Variants in MVP observed in about 807,000 individuals in gnomAD.
The protein encoded by MVP is major vault protein, also known as lung resistance-related protein.
Under a neutral mutation model 83.5 loss-of-function variants are expected in MVP, and 62 were observed. That is an observed-to-expected ratio of 0.74 (90% confidence interval 0.61 to 0.92). The LOEUF (loss-of-function observed/expected upper bound fraction) is 0.92, where lower values mean the gene tolerates loss of function less well. Among genes scored for constraint, MVP ranks in the 40% least tolerant of loss-of-function variants. The pLI is 0.00. For missense variants in MVP, 1,000 were observed against 1,203.4 expected, an observed-to-expected ratio of 0.83 and a Z score of 2.50; for synonymous variants, 505 against 504.1, an observed-to-expected ratio of 1.00 and a Z score of -0.02.
At chr16:29,846,617 G>T (rs1352657361) in intron 13 of MVP, among the ~76,000 whole-genome samples, 6 of 152,218 alleles carry the variant, frequency 3.9e-5, no homozygotes, top group African/African-American at 1.4e-4. Context: ...TAGCACTTTG[G>T]GAGGCCGAGG....
intron 1 of MVP, among the ~76,000 whole-genome samples, chr16:29,828,733 G>T (rs2067420619): frequency 6.6e-6 from 1 of 152,180 alleles, no homozygotes; most frequent in Non-Finnish European, 1.5e-5. Flanking sequence ...TAGCTGTAAG[G>T]CAGCAGGGGG....
At position 29,832,102 on chromosome 16, in the gene MVP, A is replaced by C. The variant is rs187141787; in HGVS notation, c.321+1029A>C. Among the ~76,000 whole-genome samples the C allele has an allele frequency of 1.3e-3, 193 of 151,904 alleles. 2 individuals are homozygous for C. Among genetic ancestry groups the C allele is most frequent in the African/African-American group, 4.5e-3 (188 of 41,414 alleles). On this transcript the variant is annotated intron_variant, in intron 3 of 14. Transcript: ENST00000357402. ...GCCCCATTTAATGGTTTTCTTACTG[A>C]CTTTACTAACCAGTGCTGCTTGATC...
chr16:29,836,954 T>G lies in MVP; in HGVS notation c.905T>G (p.Val302Gly). The G allele has an allele frequency of 6.2e-7, 1 of 1,610,402 alleles. No homozygotes were observed. The highest frequency in any genetic ancestry group is 1.3e-5 in the African/African-American group (1 of 74,976). Reference sequence around the variant, plus strand: ...AATCAGCTGGGGCAGAAGCGCGTGGTCAAGGTGAGGTCCCTACACCCCCAC... The same window carrying G: ...AATCAGCTGGGGCAGAAGCGCGTGGGCAAGGTGAGGTCCCTACACCCCCAC... ...GKNQLGQKRV[V>G]KGEKSFFLQP... is the part of the protein sequence containing the mutation. The change falls in exon 7 of 15, where the codon GTC (valine) becomes GGC (glycine). Residue 302 changes from valine to glycine, a missense_variant. Physicochemically the swap from Val to Gly is moderately radical, Grantham distance 109. Transcript: ENST00000357402.
chr16:29,829,921 C>T (rs1204733564), intron 1 of MVP: 5 of 153,008 alleles, frequency 3.3e-5, no homozygotes, highest in African/African-American at 9.7e-5. Flanking sequence ...ATAGACACAG[C>T]TCATGTAAAC....
chr16:29,841,235 G>A lies in MVP; in HGVS notation c.1192-361G>A, dbSNP rs917625465. On this transcript the variant is annotated intron_variant, in intron 8 of 14. Coordinates refer to ENST00000357402, the MANE Select transcript of MVP (RefSeq NM_005115.5). This position sits in a 1 kb window ranked among gnomAD's most constrained non-coding sequence, Gnocchi z 4.7. ...GTACACAGCCTACTTCACCATCCCCGAGGTGCCCTCCAAACTGCCCCATGA... is the reference window on the plus strand; with the variant it reads ...GTACACAGCCTACTTCACCATCCCCAAGGTGCCCTCCAAACTGCCCCATGA... Among the ~76,000 whole-genome samples, 3 of 152,064 alleles carry A rather than the reference G, an allele frequency of 2.0e-5. No individual in the cohort carries two copies. Among genetic ancestry groups the A allele is most frequent in the Admixed American group, 6.5e-5 (1 of 15,270 alleles).
chr16:29,831,936 TTTTGTTTG>T (rs888961973), intron 3 of MVP, among the ~76,000 whole-genome samples: 2 of 152,202 alleles, frequency 1.3e-5, no homozygotes, highest in African/African-American at 4.8e-5. Flanking sequence ...GTTTTGGGTT[TTTTGTTTG>T]TTTGTTTGTT....
chr16:29,847,393 T>A lies in MVP; in HGVS notation c.2454+8T>A, dbSNP rs1260417681. 2 of 1,529,198 alleles carry A rather than the reference T, an allele frequency of 1.3e-6. No individual in the cohort carries two copies. The highest frequency in any genetic ancestry group is 2.8e-5 in the African/African-American group (2 of 70,938). 94.7% of individuals were successfully genotyped at this position (1,529,198 alleles called of 1,614,324 possible). ...GCTGGGCCTGAGATGCAGGTGAGAG[T>A]TGGGGAAGGTGTGTTGGTTTCAGGA... is the stretch of plus-strand genomic sequence containing the variant. On this transcript the variant is annotated splice_region_variant and intron_variant, in intron 14 of 14. Coordinates refer to ENST00000357402, the MANE Select transcript of MVP (RefSeq NM_005115.5).
Position 29,834,047 on chromosome 16 carries a change from C to T in MVP, c.558C>T (p.Asp186=), listed in dbSNP as rs772883962. The T allele has an allele frequency of 3.0e-5, 48 of 1,613,664 alleles. No homozygotes were observed. Among genetic ancestry groups the T allele is most frequent in the Non-Finnish European group, 3.6e-5 (42 of 1,179,862 alleles). Residue 186 remains aspartate (D), a synonymous_variant, in exon 5 of 15, where the codon GAC becomes GAT. Coordinates refer to ENST00000357402, the MANE Select transcript of MVP (RefSeq NM_005115.5). ...CCCGCAAGGAGTGCTGGGACCGGGA[C>T]GGCAAGGAGAGGGTGACAGGTGGGG... The part of the protein sequence containing the change: ...LRARKECWDR[D]GKERVTGEEW...
Position 29,841,013 on chromosome 16 carries a change from G to C in MVP, c.1191+554G>C, listed in dbSNP as rs1413209230. On this transcript the variant is annotated intron_variant, in intron 8 of 14. Coordinates refer to ENST00000357402, the MANE Select transcript of MVP (RefSeq NM_005115.5). The surrounding 1 kb of genome is among the most constrained non-coding windows in gnomAD (Gnocchi z 4.7). Reference sequence around the variant, plus strand: ...GGGACCCTTTCCCACAGCAGACCTGGTTTCCAGCATAAAGGTCTGATGGGG... The same window carrying C: ...GGGACCCTTTCCCACAGCAGACCTGCTTTCCAGCATAAAGGTCTGATGGGG... Among the ~76,000 whole-genome samples the C allele has an allele frequency of 1.3e-5, 2 of 152,062 alleles. No homozygotes were observed. Among genetic ancestry groups the C allele is most frequent in the African/African-American group, 2.4e-5 (1 of 41,416 alleles).
At position 29,830,553 on chromosome 16, in the gene MVP, G is replaced by A; in HGVS notation, c.4G>A (p.Ala2Thr). ...AGCCCTGGGCTTAGGAGTCACCATG[G>A]CAACTGAAGAGTTCATCATCCGCAT... is the stretch of plus-strand genomic sequence containing the variant. M[A>T]TEEFIIRIPP... Residue 2 changes from alanine (A) to threonine (T), a missense_variant, in exon 2 of 15, where the codon GCA (alanine) becomes ACA (threonine). Physicochemically the swap from Ala to Thr is moderately conservative, Grantham distance 58. Transcript: ENST00000357402. The A allele has an allele frequency of 6.2e-7, 1 of 1,613,876 alleles. No individual in the cohort carries two copies. Among genetic ancestry groups the A allele is most frequent in the South Asian group, 1.1e-5 (1 of 91,072 alleles).
At chr16:29,821,758 T>G (rs1476558693) in intron 1 of MVP, among the ~76,000 whole-genome samples, 2 of 152,210 alleles carry the variant, frequency 1.3e-5, no homozygotes, top group African/African-American at 2.4e-5. Context: ...GAGGATAACA[T>G]GAGTTAATTG....
intron 7 of MVP, 127 bp from the exon 8 acceptor site, chr16:29,840,045 TGTGGGG>T (rs1567393421): frequency 1.5e-5 from 13 of 845,318 alleles, no homozygotes; most frequent in Non-Finnish European, 2.2e-5. Flanking sequence ...CGTATTATGA[TGTGGGG>T]GTGGGGGCGG....
chr16:29,830,792 TAGAG>T, intron 2 of MVP, 82 bp from the exon 3 acceptor site: 1 of 1,566,024 alleles, frequency 6.4e-7, no homozygotes, highest in Non-Finnish European at 8.7e-7. Flanking sequence ...GCTTGGGCGA[TAGAG>T]AGGTTTCTCT....
intron 12 of MVP, 35 bp from the exon 13 acceptor site, chr16:29,846,123 C>T (rs749394240): frequency 6.2e-7 from 1 of 1,601,868 alleles, no homozygotes; most frequent in Admixed American, 1.7e-5. Flanking sequence ...ACTGGGCTGT[C>T]TCCCGGGTCT....
In MVP at chr16:29,844,769, T is replaced by C. The variant is rs1391551729; in HGVS notation, c.1911T>C (p.Ser637=). Residue 637 remains serine (S), a synonymous_variant, in exon 11 of 15, where the codon AGT becomes AGC. Coordinates refer to ENST00000357402, the MANE Select transcript of MVP (RefSeq NM_005115.5). ...VFPQNGLVVS[S]VDVQSVEPVD... is the part of the protein sequence containing the mutation. ...CCCAAAACGGGCTGGTGGTCAGCAG[T>C]GTGGACGTGCAGTCAGTGGAGCCTG... The C allele has an allele frequency of 1.9e-6, 3 of 1,611,488 alleles. No homozygotes were observed. The highest frequency in any genetic ancestry group is 1.7e-5 in the Admixed American group (1 of 60,020).
chr16:29,846,969 G>T (rs944287484), intron 13 of MVP, among the ~76,000 whole-genome samples: 1 of 152,094 alleles, frequency 6.6e-6, no homozygotes, highest in Non-Finnish European at 1.5e-5. Context: ...TTTGAGGTCA[G>T]TTCGAGACCA....
intron 1 of MVP, chr16:29,830,159 ATCTC>A (rs2067430664): frequency 5.7e-6 from 1 of 174,482 alleles, no homozygotes; most frequent in African/African-American, 2.4e-5. Flanking sequence ...AGCTTGCTGT[ATCTC>A]TCCACCGTAA....
intron 1 of MVP, among the ~76,000 whole-genome samples, chr16:29,827,036 C>A (rs2067409545): frequency 6.6e-6 from 1 of 151,682 alleles, no homozygotes; most frequent in Non-Finnish European, 1.5e-5. Flanking sequence ...GGGGTGGAAT[C>A]AAAGGTGAGC....
intron 1 of MVP, among the ~76,000 whole-genome samples, chr16:29,824,229 A>C (rs59229154): frequency 1.3e-3 from 173 of 131,442 alleles, no homozygotes; most frequent in Non-Finnish European, 1.5e-3. Context: ...AAAAAAAAAA[A>C]AAAAAAAAAA....
Sources: gnomAD v4.1 joint callset for allele counts (sites outside exome capture counted in the v4.1 genomes callset) on GRCh38, gnomAD v4.1.1 for gene constraint, Gnocchi (gnomAD v3.1) non-coding constraint, MANE v1.5 for transcripts, NCBI Gene and HGNC (gene_info 2026-07-23, HGNC 2026-07-21) for gene names.